The following NSUN4 variants were observed in gnomAD, a reference collection of about 807,000 sequenced individuals.
NSUN4 encodes NOP2/Sun RNA methyltransferase 4.
Under a neutral mutation model 43.8 loss-of-function variants are expected in NSUN4, and 31 were observed. The ratio of observed to expected loss-of-function variants is 0.71; its 90% CI spans 0.53 to 0.96. NSUN4 has a LOEUF of 0.96. NSUN4 is among the 40% of genes least tolerant of loss of function. The pLI is 0.00. For missense variants in NSUN4, 439 were observed against 475.6 expected (o/e 0.92, Z 0.72); for synonymous variants, 167 against 184.1 (o/e 0.91, Z 0.75).
intron 3 of NSUN4, among the ~76,000 whole-genome samples, chr1:46,348,116 G>A (rs558580792): frequency 6.6e-6 from 1 of 152,086 alleles, no homozygotes; most frequent in African/African-American, 2.4e-5. Flanking sequence ...TCCTGACCTT[G>A]TGATCTGCCC....
intron 1 of NSUN4, chr1:46,343,351 G>A (rs1374758622): frequency 7.5e-6 from 3 of 399,692 alleles, no homozygotes; most frequent in Admixed American, 4.4e-5. Context: ...CCCCGAGTCC[G>A]GGCCTACCCT....
chr1:46,378,183 T>C, the NSUN4 span, among the ~76,000 whole-genome samples: 33 of 150,012 alleles, frequency 2.2e-4, no homozygotes, highest in African/African-American at 7.9e-4. Flanking sequence ...TGAGCTACCA[T>C]GCCTGGCCAT....
intron 3 of NSUN4, among the ~76,000 whole-genome samples, chr1:46,348,047 T>G (rs1408673344): frequency 6.6e-6 from 1 of 151,872 alleles, no homozygotes; most frequent in Non-Finnish European, 1.5e-5. Flanking sequence ...CCAGCTAATT[T>G]GTTTTTGTAC....
rs1663921872 is a variant in NSUN4, at chr1:46,362,073, A to G, written c.*227A>G. On this transcript the variant is annotated 3_prime_UTR_variant, in exon 6 of 6. Coordinates refer to ENST00000474844, the MANE Select transcript of NSUN4 (RefSeq NM_199044.4). ...ACTCATTAACCCCTACCCCATCTCC[A>G]GGCCTGTACTAAAGTTTGCTGCCCG... 1.8e-6 allele frequency: 1 copy of G among 566,028 alleles called. No homozygotes were observed. The allele number at this position is 566,028 out of a possible 1,614,324, so 35.1% of individuals were successfully genotyped here.
chr1:46,368,677 G>T (rs141655140), downstream of NSUN4, among the ~76,000 whole-genome samples: 1 of 152,182 alleles, frequency 6.6e-6, no homozygotes, highest in African/African-American at 2.4e-5. Context: ...AAATGGTTAA[G>T]TAAATTTAAA....
At chr1:46,381,857 T>A in the NSUN4 span, among the ~76,000 whole-genome samples, 1 of 152,142 alleles carries the variant, frequency 6.6e-6, no homozygotes, top group Non-Finnish European at 1.5e-5. Context: ...ACCTGTCAGC[T>A]CCCTTTTTCT....
intron 1 of NSUN4, chr1:46,343,776 G>T (rs1662288855): frequency 5.0e-6 from 2 of 400,846 alleles, no homozygotes; most frequent in South Asian, 2.5e-4. Flanking sequence ...AATTAGCAGA[G>T]GTCAGGGCAA....
At chr1:46,353,826 T>A (rs756942944) in intron 4 of NSUN4, among the ~76,000 whole-genome samples, 2 of 152,118 alleles carry the variant, frequency 1.3e-5, no homozygotes, top group Non-Finnish European at 2.9e-5. Context: ...ATTTTTTTAT[T>A]TAATAATGTG....
chr1:46,352,887 T>G lies in NSUN4; in HGVS notation c.612T>G (p.Asp204Glu). ...TGCCRNLAAN[D>E]LSPSRIARLQ... Reference sequence around the variant, plus strand: ...CCATAGGCAATCTTGCTGCCAATGATCTCTCCCCGTCCCGAATAGCCAGAC... The same window carrying G: ...CCATAGGCAATCTTGCTGCCAATGAGCTCTCCCCGTCCCGAATAGCCAGAC... Residue 204 changes from aspartate to glutamate, a missense_variant, in exon 4 of 6, where the codon GAT becomes GAG. By Grantham distance (45) the Asp-to-Glu change is conservative. Transcript: ENST00000474844. The G allele has an allele frequency of 6.2e-7, 1 of 1,614,046 alleles. No homozygotes were observed. The highest frequency in any genetic ancestry group is 1.1e-5 in the South Asian group (1 of 91,084).
the NSUN4 span, among the ~76,000 whole-genome samples, chr1:46,383,450 T>TTG: frequency 8.0e-6 from 1 of 124,638 alleles, no homozygotes; most frequent in African/African-American, 3.5e-5. Flanking sequence ...TGGCTGGTGT[T>TTG]TTTTTTTTTT....
At chr1:46,380,341 C>A in the NSUN4 span, among the ~76,000 whole-genome samples, 1 of 152,216 alleles carries the variant, frequency 6.6e-6, no homozygotes, top group African/African-American at 2.4e-5. Context: ...GTAACTCTTG[C>A]ATGAATGACC....
rs1168390813 is a variant in NSUN4 at position 46,363,036 on chromosome 1, T to G, written c.*1190T>G. On this transcript the variant is annotated 3_prime_UTR_variant, in exon 6 of 6. Coordinates refer to ENST00000474844, the MANE Select transcript of NSUN4 (RefSeq NM_199044.4). ...CCTGTGCAGAAAAGGGTATATAATT[T>G]TAGAATACCTGAAGGCTTCTTGGCT... 6.6e-6 allele frequency: 1 copy of G among 152,154 alleles called. No homozygotes were observed. Among genetic ancestry groups the G allele is most frequent in the Non-Finnish European group, 1.5e-5 (1 of 68,016 alleles). The allele number at this position is 152,154 out of a possible 1,614,324, so 9.4% of individuals were successfully genotyped here.
At chr1:46,370,186 T>C in the NSUN4 span, among the ~76,000 whole-genome samples, 24 of 152,068 alleles carry the variant, frequency 1.6e-4, no homozygotes, top group Non-Finnish European at 1.5e-4. Context: ...AAGACAGACT[T>C]AGGGAAGAGA....
intron 3 of NSUN4, among the ~76,000 whole-genome samples, chr1:46,348,709 CAAAAAAAAAAAAA>C (rs34999763): frequency 3.8e-5 from 2 of 52,140 alleles, no homozygotes; most frequent in Admixed American, 6.2e-4. Flanking sequence ...AACTCTGTCT[CAAAAAAAAAAAAA>C]AAAAAAAAAA....
At chr1:46,369,198 TAC>T (rs1173002776), downstream of NSUN4, among the ~76,000 whole-genome samples, 2 of 152,184 alleles carry the variant, frequency 1.3e-5, no homozygotes, top group East Asian at 3.8e-4. Flanking sequence ...TTCTCTATAA[TAC>T]AATGAATATA....
chr1:46,376,407 TA>T, the NSUN4 span, among the ~76,000 whole-genome samples: 33,463 of 137,256 alleles, frequency 0.24, 4,067 homozygotes, highest in Non-Finnish European at 0.31. Context: ...GGACCCTGCA[TA>T]AAAAAAAAAA....
intron 1 of NSUN4, chr1:46,341,801 C>T: frequency 1.6e-6 from 2 of 1,232,590 alleles, no homozygotes; most frequent in Non-Finnish European, 2.0e-6. Flanking sequence ...CACCCCCTCT[C>T]TGTCAGCGGA....
the NSUN4 span, among the ~76,000 whole-genome samples, chr1:46,381,855 G>T: frequency 6.6e-6 from 1 of 152,154 alleles, no homozygotes; most frequent in Non-Finnish European, 1.5e-5. Flanking sequence ...GCACCTGTCA[G>T]CTCCCTTTTT....
chr1:46,352,841 G>C, intron 3 of NSUN4, 27 bp from the exon 4 acceptor site: 1 of 1,609,636 alleles, frequency 6.2e-7, no homozygotes, highest in South Asian at 1.1e-5. Flanking sequence ...TTGGGTCATG[G>C]CCTCTGAAGT....
Sources: gnomAD v4.1 joint callset for allele counts (sites outside exome capture counted in the v4.1 genomes callset) on GRCh38, gnomAD v4.1.1 for gene constraint, MANE v1.5 for transcripts, NCBI Gene and HGNC (gene_info 2026-07-23, HGNC 2026-07-21) for gene names.